PLEKHA1: variants seen among roughly 807,000 people sequenced by gnomAD.
PLEKHA1 encodes pleckstrin homology domain containing A1, also known as pleckstrin homology domain-containing family A member 1.
In PLEKHA1, 34 loss-of-function variants were observed where a neutral mutation model predicts 52.0. That is an observed-to-expected ratio of 0.65 (90% CI 0.50 to 0.87). The LOEUF (loss-of-function observed/expected upper bound fraction) is 0.87. PLEKHA1 is among the 40% of genes least tolerant of loss of function. PLEKHA1 has a pLI of 0.00. For missense variants in PLEKHA1, 497 were observed against 504.2 expected, an observed-to-expected ratio of 0.99 and a Z score of 0.14; for synonymous variants, 163 against 170.7, an observed-to-expected ratio of 0.95 and a Z score of 0.35.
At position 122,386,453 on chromosome 10, in the gene PLEKHA1, T is replaced by C. The variant is rs567841521; in HGVS notation, c.-20-6728T>C. 2.6e-5 allele frequency among the ~76,000 whole-genome samples: 4 copies of C among 152,328 alleles called. No homozygotes were observed. The East Asian group carries it at 7.7e-4, about 29-fold the overall frequency. On this transcript the variant is annotated intron_variant, in intron 1 of 11. Transcript: ENST00000368990. ...TTTATGGCTTGTCTTTTCATTTCTT[T>C]ATGGTGTCTTTTGAAGAGCAATTTT...
intron 5 of PLEKHA1, among the ~76,000 whole-genome samples, chr10:122,408,494 T>C (rs751243714): frequency 2.3e-4 from 35 of 152,196 alleles, no homozygotes; most frequent in Non-Finnish European, 4.0e-4. Context: ...TGTTGGTAAA[T>C]GATTTTAATG....
At chr10:122,396,082 G>GTT (rs5788549) in intron 2 of PLEKHA1, among the ~76,000 whole-genome samples, 1 of 151,698 alleles carries the variant, frequency 6.6e-6, no homozygotes, top group Admixed American at 6.6e-5. Context: ...TTTGAATATT[G>GTT]TTTTTCTCTC....
At chr10:122,427,993 C>T (rs2133665432) in intron 11 of PLEKHA1, among the ~76,000 whole-genome samples, 1 of 152,258 alleles carries the variant, frequency 6.6e-6, no homozygotes, top group South Asian at 2.1e-4. Context: ...TTAAGTCATT[C>T]TCTCTTTATA....
rs757265329 is a variant in PLEKHA1, at chr10:122,415,928, C to T, written c.538C>T (p.Pro180Ser). 3 of 1,613,442 alleles carry T rather than the reference C, an allele frequency of 1.9e-6. No homozygotes were observed. Among genetic ancestry groups the T allele is most frequent in the Non-Finnish European group, 2.5e-6 (3 of 1,179,562 alleles). ...TCTGAAACGGTCACAAAGCCATCTT[C>T]CTTACTTTACTCCTAAACCACCTCA... is the stretch of plus-strand genomic sequence containing the variant. ...NNLKRSQSHL[P>S]YFTPKPPQDS... The change falls in exon 7 of 12, where the codon CCT (proline) becomes TCT (serine). Residue 180 changes from proline (P) to serine (S), a missense_variant. By Grantham distance (74) the Pro-to-Ser change is moderately conservative. Transcript: ENST00000368990.
At chr10:122,428,446 C>G in intron 11 of PLEKHA1, 1 of 1,408,628 alleles carries the variant, frequency 7.1e-7, no homozygotes, top group South Asian at 1.7e-5. Flanking sequence ...CTGCCTTTTG[C>G]AGTTATCATA....
In PLEKHA1 at chr10:122,406,558, A is replaced by G. The variant is rs768688134; in HGVS notation, c.245-18A>G. On this transcript the variant is annotated intron_variant, in intron 4 of 11. Transcript: ENST00000368990. ...TAATAAGTACAATATTTGGTGTGTT[A>G]TTTTTTTCTGTCAACAGTTATGAAT... The G allele has an allele frequency of 2.5e-6, 4 of 1,582,618 alleles. No individual in the cohort carries two copies. Among genetic ancestry groups the G allele is most frequent in the Non-Finnish European group, 2.6e-6 (3 of 1,152,610 alleles).
At chr10:122,377,657 GTTAT>G (rs1440605550) in intron 1 of PLEKHA1, among the ~76,000 whole-genome samples, 1 of 152,148 alleles carries the variant, frequency 6.6e-6, no homozygotes, top group Non-Finnish European at 1.5e-5. Flanking sequence ...AAAGCATCCT[GTTAT>G]TTGTTATAGC....
intron 11 of PLEKHA1, 54 bp downstream of exon 11, chr10:122,427,085 A>T: frequency 6.7e-7 from 1 of 1,487,294 alleles, no homozygotes; most frequent in Non-Finnish European, 9.3e-7. Context: ...CCATCCTATC[A>T]AATTTCCTCT....
At chr10:122,378,346 C>G (rs1362107648) in intron 1 of PLEKHA1, among the ~76,000 whole-genome samples, 4 of 152,184 alleles carry the variant, frequency 2.6e-5, no homozygotes, top group African/African-American at 9.7e-5. Context: ...TATTCACTGC[C>G]TTTAACTGTA....
the PLEKHA1 span, chr10:122,441,347 AGTCCCAG>A: frequency 6.6e-6 from 1 of 152,146 alleles, no homozygotes; most frequent in South Asian, 2.1e-4. Context: ...GTGTGTCTGT[AGTCCCAG>A]CGACTTGCAT....
intron 1 of PLEKHA1, among the ~76,000 whole-genome samples, chr10:122,377,784 A>T (rs1197036082): frequency 3.3e-5 from 5 of 152,190 alleles, no homozygotes; most frequent in African/African-American, 1.2e-4. Context: ...TTCCTAGAAG[A>T]TGCTTAAGCA....
At chr10:122,413,717 G>A (rs776820850) in intron 6 of PLEKHA1, among the ~76,000 whole-genome samples, 1 of 152,012 alleles carries the variant, frequency 6.6e-6, no homozygotes, top group Non-Finnish European at 1.5e-5. Context: ...TAAAACTCTT[G>A]TCTGAGCTTG....
intron 1 of PLEKHA1, chr10:122,392,376 G>A (rs2096787924): frequency 6.6e-6 from 1 of 151,790 alleles, no homozygotes; most frequent in Non-Finnish European, 1.5e-5. Flanking sequence ...CCTGTAGGTT[G>A]GTATTTGGAT....
At chr10:122,385,785 CATTT>C (rs1282157246) in intron 1 of PLEKHA1, among the ~76,000 whole-genome samples, 1 of 152,188 alleles carries the variant, frequency 6.6e-6, no homozygotes, top group African/African-American at 2.4e-5. Context: ...ATACATTTGA[CATTT>C]ATTAGTTGCG....
At chr10:122,398,394 G>A (rs2096879786) in intron 3 of PLEKHA1, among the ~76,000 whole-genome samples, 1 of 151,934 alleles carries the variant, frequency 6.6e-6, no homozygotes, top group South Asian at 2.1e-4. Context: ...CCATTTTCAT[G>A]TTGAAAGGAT....
chr10:122,399,493 TGATCTCCTCATA>T (rs2096896492), intron 3 of PLEKHA1, among the ~76,000 whole-genome samples: 1 of 152,190 alleles, frequency 6.6e-6, no homozygotes, highest in Non-Finnish European at 1.5e-5. Context: ...AGTCCCATTT[TGATCTCCTCATA>T]GCAGATTAAT....
intron 1 of PLEKHA1, chr10:122,387,868 C>T (rs941549597): frequency 3.9e-5 from 6 of 152,140 alleles, no homozygotes; most frequent in African/African-American, 1.4e-4. Context: ...CAGCTGACTT[C>T]TAGAGTGAGC....
chr10:122,424,276 T>C lies in PLEKHA1; in HGVS notation c.746+13T>C. ...AATGTAAGCAAAGGTAAGGAACCGC[T>C]CTGACTTGATGCCTGGCACAAGTTA... On this transcript the variant is annotated intron_variant, in intron 9 of 11. Coordinates refer to ENST00000368990, the MANE Select transcript of PLEKHA1 (RefSeq NM_001001974.4). 1.3e-6 allele frequency: 2 copies of C among 1,586,628 alleles called. No homozygotes were observed. The highest frequency in any genetic ancestry group is 1.7e-6 in the Non-Finnish European group (2 of 1,171,850).
At position 122,393,205 on chromosome 10, in the gene PLEKHA1, C is replaced by G; in HGVS notation, c.5C>G (p.Pro2Arg). The change falls in exon 2 of 12, where the codon CCT becomes CGT. Residue 2 changes from proline (P) to arginine (R), a missense_variant. Pro to Arg is a moderately radical substitution (Grantham distance 103). Transcript: ENST00000368990. This position sits in a 1 kb window ranked among gnomAD's most constrained non-coding sequence, Gnocchi z 4.5. ...GTGTAATGTTCAAGCTCAGAAATGCCTTATGTGGATCGTCAGAATCGCATT... is the reference window on the plus strand; with the variant it reads ...GTGTAATGTTCAAGCTCAGAAATGCGTTATGTGGATCGTCAGAATCGCATT... The part of the protein sequence containing the change: M[P>R]YVDRQNRICG... The G allele has an allele frequency of 6.2e-7, 1 of 1,610,188 alleles. No homozygotes were observed. Among genetic ancestry groups the G allele is most frequent in the Non-Finnish European group, 8.5e-7 (1 of 1,178,364 alleles).
Sources: allele counts gnomAD v4.1 joint callset (sites outside exome capture counted in the v4.1 genomes callset), GRCh38; gene constraint gnomAD v4.1.1; non-coding constraint Gnocchi (gnomAD v3.1); transcripts MANE v1.5; gene names NCBI Gene and HGNC (gene_info 2026-07-23, HGNC 2026-07-21).